RHOC: variants seen among roughly 807,000 people sequenced by gnomAD.
The protein encoded by RHOC is ras homolog family member C.
In RHOC, 13 loss-of-function variants were observed where a neutral mutation model predicts 19.5. The ratio of observed to expected loss-of-function variants is 0.67; its 90% confidence interval spans 0.43 to 1.06. RHOC has a LOEUF of 1.06. Ranked by LOEUF, RHOC falls within the 50% of genes least tolerant of loss-of-function variation. The pLI is 0.00. For synonymous variants in RHOC, 106 were observed against 97.3 expected, an observed-to-expected ratio of 1.09 and a Z score of -0.52; for missense variants, 173 against 256.9, an observed-to-expected ratio of 0.67 and a Z score of 2.23.
intron 2 of RHOC, chr1:112,704,624 G>A (rs1266924865): frequency 5.6e-6 from 1 of 178,258 alleles, no homozygotes; most frequent in Non-Finnish European, 1.2e-5. Flanking sequence ...GCAGAAGCAG[G>A]GAAACCCAGA....
At chr1:112,706,492 A>AC (rs1456096348) in intron 1 of RHOC, among the ~76,000 whole-genome samples, 12 of 30,020 alleles carry the variant, frequency 4.0e-4, no homozygotes, top group African/African-American at 6.8e-4. Context: ...ACACACACAC[A>AC]CACACACACA....
At chr1:112,706,490 A>AC (rs1557780791) in intron 1 of RHOC, among the ~76,000 whole-genome samples, 4 of 28,460 alleles carry the variant, frequency 1.4e-4, no homozygotes, top group African/African-American at 2.3e-4. Flanking sequence ...ACACACACAC[A>AC]CACACACACA....
In RHOC at chr1:112,701,209, G is replaced by A; in HGVS notation, c.*331C>T. On this transcript the variant is annotated 3_prime_UTR_variant, in exon 6 of 6. Coordinates refer to ENST00000339083, the MANE Select transcript of RHOC (RefSeq NM_175744.5). ...AGGCCCCTGCCGAAAACAACTCCAGGGGCCTGGGACTCTGGGTCCCCTACT... is the reference window on the plus strand; with the variant it reads ...AGGCCCCTGCCGAAAACAACTCCAGAGGCCTGGGACTCTGGGTCCCCTACT... 1.7e-6 allele frequency: 1 copy of A among 603,136 alleles called. No individual in the cohort carries two copies. The highest frequency in any genetic ancestry group is 2.9e-6 in the Non-Finnish European group (1 of 349,758). 37.4% of individuals were successfully genotyped at this position (603,136 alleles called of 1,614,324 possible). A position where few individuals can be genotyped will look rare whatever the true frequency, so the allele number is the denominator to read the frequency against.
In RHOC at chr1:112,703,078, A is replaced by G. The variant is rs147340418; in HGVS notation, c.198T>C (p.Tyr66=). 4.8e-5 allele frequency: 77 copies of G among 1,614,080 alleles called. No individual in the cohort carries two copies. Among genetic ancestry groups the G allele is most frequent in the Non-Finnish European group, 6.4e-5 (75 of 1,180,032 alleles). ...GGTAGGAGAGAGGCCGCAGTCGATC[A>G]TAGTCTTCCTGCCCTGCTGTGTCCC... is the stretch of plus-strand genomic sequence containing the variant. ...ALWDTAGQED[Y]DRLRPLSYPD... The change falls in exon 4 of 6, where the codon TAT becomes TAC. Residue 66 remains tyrosine, a synonymous_variant. Transcript: ENST00000339083.
chr1:112,705,392 C>G lies in RHOC; in HGVS notation c.-76-224G>C. On this transcript the variant is annotated intron_variant, in intron 1 of 5. Transcript: ENST00000339083. ...ACACCCCACCACCACCTCACACTGCCCTTTAGGAAGCGAATACTCCAGCCC... is the reference window on the plus strand; with the variant it reads ...ACACCCCACCACCACCTCACACTGCGCTTTAGGAAGCGAATACTCCAGCCC... 9.9e-6 allele frequency: 6 copies of G among 608,012 alleles called. No individual in the cohort carries two copies. In the South Asian group the frequency reaches 1.1e-4, roughly 11 times the overall value. 37.7% of individuals were successfully genotyped at this position (608,012 alleles called of 1,614,324 possible). A position where few individuals can be genotyped will look rare whatever the true frequency, so the allele number is the denominator to read the frequency against.
intron 5 of RHOC, among the ~76,000 whole-genome samples, chr1:112,702,357 A>C (rs1353036294): frequency 6.6e-6 from 1 of 152,222 alleles, no homozygotes; most frequent in Non-Finnish European, 1.5e-5. Context: ...ATTAACTGGA[A>C]TAAATAAAAA....
At chr1:112,706,454 CACACACACA>C (rs1674857475) in intron 1 of RHOC, among the ~76,000 whole-genome samples, 4 of 95,374 alleles carry the variant, frequency 4.2e-5, no homozygotes, top group South Asian at 3.3e-4. Context: ...CACACACACA[CACACACACA>C]CCACACACAC....
upstream of RHOC, chr1:112,707,237 C>T (rs1381728575): frequency 2.0e-5 from 3 of 150,834 alleles, no homozygotes; most frequent in Admixed American, 6.6e-5. Flanking sequence ...CCCGGCCCCG[C>T]GCAGGGCCGC....
chr1:112,703,838 A>G, intron 2 of RHOC, 32 bp from the exon 3 acceptor site: 1 of 1,586,450 alleles, frequency 6.3e-7, no homozygotes, highest in Non-Finnish European at 8.6e-7. Flanking sequence ...GGATTTGAGG[A>G]AAAGCCATTA....
chr1:112,703,269 C>G, intron 3 of RHOC, 150 bp from the exon 4 acceptor site: 1 of 861,872 alleles, frequency 1.2e-6, no homozygotes. Flanking sequence ...TGTCCCACAA[C>G]ATAAATTAGG....
At chr1:112,705,007 C>A in intron 2 of RHOC, 93 bp downstream of exon 2, 1 of 678,482 alleles carries the variant, frequency 1.5e-6, no homozygotes, top group Non-Finnish European at 2.7e-6. Context: ...TCCATGTGTC[C>A]CCCACCCCCA....
chr1:112,703,873 C>T (rs1472505411), intron 2 of RHOC, 67 bp from the exon 3 acceptor site: 4 of 1,461,166 alleles, frequency 2.7e-6, no homozygotes, highest in Non-Finnish European at 3.7e-6. Context: ...TCTCTAGGGC[C>T]CCCAAACCTC....
rs1397918499 is a variant in RHOC at position 112,703,820 on chromosome 1, C to T, written c.-7-14G>A. The T allele has an allele frequency of 6.9e-6, 11 of 1,602,524 alleles. No homozygotes were observed. Among genetic ancestry groups the T allele is most frequent in the Admixed American group, 3.5e-5 (2 of 57,894 alleles). On this transcript the variant is annotated splice_polypyrimidine_tract_variant and intron_variant, in intron 2 of 5. Transcript: ENST00000339083. ...GCCATGGTGGGGCTGCCAGGAAAGACGTATTGGGGATTTGAGGAAAAGCCA... is the reference window on the plus strand; with the variant it reads ...GCCATGGTGGGGCTGCCAGGAAAGATGTATTGGGGATTTGAGGAAAAGCCA...
chr1:112,701,811 T>C (rs2279500), intron 5 of RHOC, 98 bp from the exon 6 acceptor site: 1,121,339 of 1,327,294 alleles, frequency 0.84, 474,857 homozygotes, highest in East Asian at 0.93. Context: ...AATGCCTCCT[T>C]CTCCAGCCCT....
chr1:112,702,519 G>A, intron 5 of RHOC, 44 bp downstream of exon 5: 1 of 1,606,940 alleles, frequency 6.2e-7, no homozygotes. Flanking sequence ...CCCCTCAGAG[G>A]GTGCATTCTT....
Position 112,701,326 on chromosome 1 carries a change from C to T in RHOC, c.*214G>A, listed in dbSNP as rs1365109249. 2 of 1,390,626 alleles carry T rather than the reference C, an allele frequency of 1.4e-6. No individual in the cohort carries two copies. Among genetic ancestry groups the T allele is most frequent in the African/African-American group, 2.9e-5 (2 of 69,040 alleles). 86.1% of individuals were successfully genotyped at this position (1,390,626 alleles called of 1,614,324 possible). ...CAAAGGGGGCAAGATCCCCAGGGGC[C>T]CTGAGGAAGGGCAGGGCATAGGCGT... On this transcript the variant is annotated 3_prime_UTR_variant, in exon 6 of 6. Transcript: ENST00000339083.
chr1:112,702,866 A>AG lies in RHOC; in HGVS notation c.277+132dup. On this transcript the variant is annotated intron_variant, in intron 4 of 5. Coordinates refer to ENST00000339083, the MANE Select transcript of RHOC (RefSeq NM_175744.5). ...CTCAGAGGGCCAGTTACCACAGTAA[A>AG]GGAGACCAACAGGGCCTGAGTGCTC... The AG allele has an allele frequency of 2.2e-6, 3 of 1,384,256 alleles. No individual in the cohort carries two copies. In the South Asian group the frequency reaches 3.8e-5, roughly 18 times the overall value. 85.7% of individuals were successfully genotyped at this position (1,384,256 alleles called of 1,614,324 possible). A position where few individuals can be genotyped will look rare whatever the true frequency, so the allele number is the denominator to read the frequency against.
At chr1:112,706,515 C>CACAAACACACACAA (rs1557780944) in intron 1 of RHOC, among the ~76,000 whole-genome samples, 1 of 93,448 alleles carries the variant, frequency 1.1e-5, no homozygotes. Context: ...CACACACACA[C>CACAAACACACACAA]ACACACACAC....
rs964517312 is a variant in RHOC, at chr1:112,703,466, G to A, written c.156+178C>T. On this transcript the variant is annotated intron_variant, in intron 3 of 5. Transcript: ENST00000339083. ...CAGGTTACAGAGCCAGTCTGTGGGA[G>A]AACCAGAAAGTATATCCAGGTTTTT... is the stretch of plus-strand genomic sequence containing the variant. The A allele has an allele frequency of 6.7e-6, 5 of 743,296 alleles. No individual in the cohort carries two copies. The African/African-American group carries it at 8.6e-5, about 13-fold the overall frequency. The allele number at this position is 743,296 out of a possible 1,614,324, so 46.0% of individuals were successfully genotyped here. A position where few individuals can be genotyped will look rare whatever the true frequency, so the allele number is the denominator to read the frequency against.
Sources: allele counts gnomAD v4.1 joint callset (sites outside exome capture counted in the v4.1 genomes callset), GRCh38; gene constraint gnomAD v4.1.1; transcripts MANE v1.5; gene names NCBI Gene and HGNC (gene_info 2026-07-23, HGNC 2026-07-21).